The following REST variants were observed in gnomAD, a reference collection of about 807,000 sequenced individuals.
REST encodes the protein RE1-silencing transcription factor.
A neutral mutation model predicts 30.4 loss-of-function variants in REST; 1 was observed. That is an observed-to-expected ratio of 0.03 (90% CI 0.01 to 0.16). REST has a LOEUF of 0.16. REST is among the 10% of genes least tolerant of loss of function. The pLI is 1.00. For synonymous variants in REST, 504 were observed against 451.1 expected (o/e 1.12, Z -1.49); for missense variants, 1,259 against 1,329.5 (o/e 0.95, Z 0.82).
intron 3 of REST, chr4:56,927,802 T>G (rs1449576279): frequency 1.6e-5 from 3 of 186,618 alleles, no homozygotes; most frequent in African/African-American, 7.1e-5. Context: ...CATTACCTAG[T>G]TCCTTTATGT....
chr4:56,912,723 A>G (rs1057032428), intron 2 of REST, among the ~76,000 whole-genome samples: 1 of 152,072 alleles, frequency 6.6e-6, no homozygotes, highest in Admixed American at 6.6e-5. Flanking sequence ...CATGTTGCCC[A>G]GGCTGGTCTT....
At chr4:56,923,551 G>C (rs1720546959) in intron 3 of REST, among the ~76,000 whole-genome samples, 1 of 151,192 alleles carries the variant, frequency 6.6e-6, no homozygotes, top group African/African-American at 2.4e-5. Context: ...TCAAGCTATA[G>C]AATCTTCCTC....
At chr4:56,924,607 G>A (rs538464148) in intron 3 of REST, among the ~76,000 whole-genome samples, 6 of 148,064 alleles carry the variant, frequency 4.1e-5, no homozygotes, top group South Asian at 2.3e-4. Context: ...ACAGGTGTGC[G>A]CTACCATGCC....
chr4:56,908,727 C>A (rs1244256373), intron 1 of REST, among the ~76,000 whole-genome samples: 2 of 152,028 alleles, frequency 1.3e-5, no homozygotes, highest in African/African-American at 4.8e-5. Flanking sequence ...CGGGCGGTTC[C>A]GCCTGCGGGG....
rs1341195743 is a variant in REST at position 56,928,280 on chromosome 4, G to A, written c.983-1561G>A. On this transcript the variant is annotated intron_variant, in intron 3 of 3. Coordinates refer to ENST00000309042, the MANE Select transcript of REST (RefSeq NM_005612.5). ...TGCCACTACACCCGGCTAATTTTTT[G>A]TATTTTTAGTAGAAACAGGGTTTCA... Among the ~76,000 whole-genome samples, 4 of 152,038 alleles carry A rather than the reference G, an allele frequency of 2.6e-5. No homozygotes were observed. The East Asian group carries it at 7.7e-4, about 29-fold the overall frequency.
rs1360483034 is a variant in REST, at chr4:56,908,174, C to A, written c.-49C>A. Reference sequence around the variant, plus strand: ...AGAAAAGTAGTCGGAGAAGGAGCGGCGACTCAGGGTCGCCCGCCCCTCCTC... The same window carrying A: ...AGAAAAGTAGTCGGAGAAGGAGCGGAGACTCAGGGTCGCCCGCCCCTCCTC... On this transcript the variant is annotated 5_prime_UTR_variant, in exon 1 of 4. Transcript: ENST00000309042. 1.3e-5 allele frequency: 3 copies of A among 236,496 alleles called. No homozygotes were observed. In the East Asian group the frequency reaches 2.0e-4, roughly 16 times the overall value. The allele number at this position is 236,496 out of a possible 1,614,324, so 14.6% of individuals were successfully genotyped here.
intron 3 of REST, among the ~76,000 whole-genome samples, chr4:56,925,705 T>C (rs1720671813): frequency 6.6e-6 from 1 of 152,182 alleles, no homozygotes; most frequent in South Asian, 2.1e-4. Flanking sequence ...AAAGTTAATA[T>C]TCAGGTAGGT....
In REST at chr4:56,908,460, C is replaced by G. The variant is rs983460803; in HGVS notation, c.-10+247C>G. ...GTTGGGAGCAGCGCGTCGCCTGGAC[C>G]CCCTCCCCACTGGAGGCTGGGACGC... is the stretch of plus-strand genomic sequence containing the variant. On this transcript the variant is annotated intron_variant, in intron 1 of 3. Transcript: ENST00000309042. Among the ~76,000 whole-genome samples, 4 of 152,044 alleles carry G rather than the reference C, an allele frequency of 2.6e-5. No individual in the cohort carries two copies. In the South Asian group the frequency reaches 6.2e-4, roughly 24 times the overall value.
intron 3 of REST, among the ~76,000 whole-genome samples, chr4:56,923,492 A>G (rs1720543852): frequency 6.6e-6 from 1 of 152,058 alleles, no homozygotes; most frequent in African/African-American, 2.4e-5. Flanking sequence ...TCACCCAGCT[A>G]GAGTACAATG....
At position 56,930,254 on chromosome 4, in the gene REST, G is replaced by A. The variant is rs774421905; in HGVS notation, c.1396G>A (p.Val466Ile). The A allele has an allele frequency of 1.2e-5, 20 of 1,610,550 alleles. No individual in the cohort carries two copies. The highest frequency in any genetic ancestry group is 1.2e-4 in the African/African-American group (9 of 74,606). The change falls in exon 4 of 4, where the codon GTC becomes ATC. Residue 466 changes from valine (V) to isoleucine (I), a missense_variant. By Grantham distance (29) the Val-to-Ile change is conservative. Coordinates refer to ENST00000309042, the MANE Select transcript of REST (RefSeq NM_005612.5). ...DVAGKKNEKS[V>I]KAEKRDVSKE... ...GGCTGGAAAGAAAAATGAAAAGTCC[G>A]TCAAAGCAGAGAAAAGAGATGTCTC...
chr4:56,930,906 C>T lies in REST; in HGVS notation c.2048C>T (p.Ala683Val), dbSNP rs768151863. The change falls in exon 4 of 4, where the codon GCT (alanine) becomes GTT (valine). Residue 683 changes from alanine to valine, a missense_variant. This residue lies in a region of REST where 856 missense variants were observed against 772.8 expected (regional missense o/e 1.11). Transcript: ENST00000309042. ...ATGGTGGGTGCCCAAATTGTACTTG[C>T]TCACATGGAGCTGCCTCCTCCCATG... is the stretch of plus-strand genomic sequence containing the variant. ...AQMVGAQIVLAHMELPPPMET... is the reference protein window; with the variant it reads ...AQMVGAQIVLVHMELPPPMET... The T allele has an allele frequency of 1.2e-6, 2 of 1,613,744 alleles. No individual in the cohort carries two copies. The highest frequency in any genetic ancestry group is 2.2e-5 in the South Asian group (2 of 91,078).
rs548777317 is a variant in REST, at chr4:56,925,291, C to T, written c.983-4550C>T. On this transcript the variant is annotated intron_variant, in intron 3 of 3. Transcript: ENST00000309042. ...GCTTGTATTTGTGTATTTTTCACTG[C>T]GGCTTTAACCTCCTAGGCTCAAACG... is the stretch of plus-strand genomic sequence containing the variant. 1.3e-4 allele frequency among the ~76,000 whole-genome samples: 20 copies of T among 151,918 alleles called. No homozygotes were observed. The South Asian group carries it at 1.5e-3, about 11-fold the overall frequency.
rs553786829 is a variant in REST, at chr4:56,910,749, C to G, written c.111C>G (p.Ser37=). 3.0e-5 allele frequency: 49 copies of G among 1,614,170 alleles called. No homozygotes were observed. Among genetic ancestry groups the G allele is most frequent in the Middle Eastern group, 1.6e-4 (1 of 6,062 alleles). The change falls in exon 2 of 4, where the codon TCC becomes TCG. Residue 37 remains serine (S), a synonymous_variant. Transcript: ENST00000309042. ...ACATGTATGACTTGCATGACCTTTC[C>G]AAAGCTGAACTGGCCGCACCTCAGC... is the stretch of plus-strand genomic sequence containing the variant. ...PNDMYDLHDL[S]KAELAAPQLI...
At chr4:56,925,076 A>G (rs1720626589) in intron 3 of REST, among the ~76,000 whole-genome samples, 1 of 151,538 alleles carries the variant, frequency 6.6e-6, no homozygotes, top group South Asian at 2.1e-4. Context: ...GAGACAGGAG[A>G]ATCACTTGAA....
intron 3 of REST, among the ~76,000 whole-genome samples, chr4:56,923,968 G>A (rs150310611): frequency 0.072 from 10,834 of 151,174 alleles, 447 homozygotes; most frequent in Admixed American, 0.093. Flanking sequence ...TGATCTGCCC[G>A]CCTCAGCCTC....
At position 56,931,799 on chromosome 4, in the gene REST, G is replaced by C. The variant is rs763155357; in HGVS notation, c.2941G>C (p.Glu981Gln). 22 of 1,614,088 alleles carry C rather than the reference G, an allele frequency of 1.4e-5. 1 individual carries two copies. The Middle Eastern group carries it at 6.6e-4, about 48-fold the overall frequency. ...AATGCTTCCCCCTTCAGCAGTAGAA[G>C]AACGTGAAGCAGTGTCCAAAACTGC... ...SPMLPPSAVE[E>Q]REAVSKTALA... The change falls in exon 4 of 4, where the codon GAA (glutamate) becomes CAA (glutamine). Residue 981 changes from glutamate (E) to glutamine (Q), a missense_variant. Coordinates refer to ENST00000309042, the MANE Select transcript of REST (RefSeq NM_005612.5).
Position 56,910,789 on chromosome 4 carries a change from A to G in REST, c.151A>G (p.Asn51Asp). 6.2e-7 allele frequency: 1 copy of G among 1,614,152 alleles called. No homozygotes were observed. Residue 51 changes from asparagine (N) to aspartate (D), a missense_variant, in exon 2 of 4, where the codon AAT becomes GAT. Physicochemically the swap from Asn to Asp is conservative, Grantham distance 23. Transcript: ENST00000309042. ...CGCACCTCAGCTTATTATGCTGGCA[A>G]ATGTGGCCTTAACTGGGGAAGTAAA... ...LAAPQLIMLA[N>D]VALTGEVNGS...
chr4:56,910,539 T>TG (rs1231903871), intron 1 of REST, 91 bp from the exon 2 acceptor site: 7 of 1,133,174 alleles, frequency 6.2e-6, no homozygotes, highest in Non-Finnish European at 8.5e-6. Flanking sequence ...TGGAAAATTT[T>TG]TAAGTTATGA....
rs1040868936 is a variant in REST at position 56,932,528 on chromosome 4, T to A, written c.*376T>A. On this transcript the variant is annotated 3_prime_UTR_variant, in exon 4 of 4. Transcript: ENST00000309042. ...TTATTGAGATCTATAAAAAATTGGCTTACTTAATAGCAAATTACTTGAAGA... is the reference window on the plus strand; with the variant it reads ...TTATTGAGATCTATAAAAAATTGGCATACTTAATAGCAAATTACTTGAAGA... 6.3e-6 allele frequency: 1 copy of A among 159,924 alleles called. No individual in the cohort carries two copies. Among genetic ancestry groups the A allele is most frequent in the Non-Finnish European group, 1.4e-5 (1 of 73,514 alleles). The allele number at this position is 159,924 out of a possible 1,614,324, so 9.9% of individuals were successfully genotyped here.
Sources: gnomAD v4.1 joint callset for allele counts (sites outside exome capture counted in the v4.1 genomes callset) on GRCh38, gnomAD v4.1.1 for gene constraint, gnomAD v4.1.1 regional missense constraint, MANE v1.5 for transcripts, NCBI Gene and HGNC (gene_info 2026-07-23, HGNC 2026-07-21) for gene names.